RIC8B: variants seen among roughly 807,000 people sequenced by gnomAD.
The protein encoded by RIC8B is chaperone Ric-8B.
Under a neutral mutation model 57.5 loss-of-function variants are expected in RIC8B, and 16 were observed. The observed-to-expected ratio is 0.28, with a 90% CI of 0.19 to 0.42. RIC8B has a LOEUF of 0.42. RIC8B is among the 10% of genes least tolerant of loss of function. The pLI, the probability that RIC8B is intolerant of heterozygous loss-of-function variation, is 1.00. For synonymous variants in RIC8B, 216 were observed against 250.8 expected, an observed-to-expected ratio of 0.86 and a Z score of 1.31; for missense variants, 481 against 677.0, an observed-to-expected ratio of 0.71 and a Z score of 3.21.
chr12:106,840,989 A>G (rs1048999746), intron 4 of RIC8B, among the ~76,000 whole-genome samples: 20 of 152,184 alleles, frequency 1.3e-4, no homozygotes, highest in Non-Finnish European at 2.6e-4. Context: ...CAATGAATCT[A>G]TGGTATTATT....
intron 2 of RIC8B, among the ~76,000 whole-genome samples, chr12:106,811,247 G>A (rs1428605299): frequency 6.6e-6 from 1 of 152,230 alleles, no homozygotes; most frequent in Non-Finnish European, 1.5e-5. Flanking sequence ...CTGCTTTTCT[G>A]TGTTCGTCTG....
At chr12:106,776,007 G>T (rs1197421457) in intron 1 of RIC8B, among the ~76,000 whole-genome samples, 1 of 152,170 alleles carries the variant, frequency 6.6e-6, no homozygotes, top group Admixed American at 6.5e-5. Context: ...ACTGGTGGCT[G>T]AATTCCCGTT....
chr12:106,795,251 G>A (rs2044425847), intron 2 of RIC8B, among the ~76,000 whole-genome samples: 1 of 152,174 alleles, frequency 6.6e-6, no homozygotes, highest in East Asian at 1.9e-4. Context: ...GAAAAAGGGG[G>A]AAGGGAATAG....
At chr12:106,861,668 C>T (rs958803425) in intron 8 of RIC8B, among the ~76,000 whole-genome samples, 9 of 152,026 alleles carry the variant, frequency 5.9e-5, no homozygotes, top group Middle Eastern at 6.8e-3. Context: ...CTTTCTTTCC[C>T]GAATTATAGA....
In RIC8B at chr12:106,867,448, G is replaced by A. The variant is rs1262074205; in HGVS notation, c.1452-3375G>A. Among the ~76,000 whole-genome samples the A allele has an allele frequency of 6.6e-6, 1 of 152,144 alleles. No homozygotes were observed. Among genetic ancestry groups the A allele is most frequent in the African/African-American group, 2.4e-5 (1 of 41,430 alleles). On this transcript the variant is annotated intron_variant, in intron 8 of 9. Coordinates refer to ENST00000392837, the MANE Select transcript of RIC8B (RefSeq NM_001330145.2). This position sits in a 1 kb window ranked among gnomAD's most constrained non-coding sequence, Gnocchi z 4.3. ...CCCAATAAAATGTCCACCACAATTA[G>A]TGTTCTTAAAGCATCTTAAGACTCC... is the stretch of plus-strand genomic sequence containing the variant.
intron 2 of RIC8B, among the ~76,000 whole-genome samples, chr12:106,806,497 T>A (rs578181789): frequency 1.3e-5 from 2 of 152,288 alleles, no homozygotes; most frequent in East Asian, 3.9e-4. Flanking sequence ...CTTTTCTCTA[T>A]ATATTTTTCT....
intron 3 of RIC8B, among the ~76,000 whole-genome samples, chr12:106,818,824 T>G (rs533921012): frequency 6.6e-6 from 1 of 152,240 alleles, no homozygotes; most frequent in South Asian, 2.1e-4. Flanking sequence ...TGGAGTGCAA[T>G]GGCGCAATCT....
chr12:106,787,921 C>A (rs188644467), intron 2 of RIC8B, among the ~76,000 whole-genome samples: 107 of 152,278 alleles, frequency 7.0e-4, no homozygotes, highest in African/African-American at 2.5e-3. Context: ...TTCCAACAGT[C>A]CCCCAAAGTC....
chr12:106,804,208 T>C (rs1299277137), intron 2 of RIC8B, among the ~76,000 whole-genome samples: 1 of 146,410 alleles, frequency 6.8e-6, no homozygotes, highest in Non-Finnish European at 1.5e-5. Flanking sequence ...TTTTTTTTCC[T>C]TCCTTTCTTT....
At chr12:106,868,378 C>T (rs1950228227) in intron 8 of RIC8B, 1 of 455,946 alleles carries the variant, frequency 2.2e-6, no homozygotes, top group African/African-American at 2.0e-5. Flanking sequence ...CATCTACCTT[C>T]CCTTATACTT....
chr12:106,842,761 A>G lies in RIC8B; in HGVS notation c.1009A>G (p.Met337Val), dbSNP rs776619033. 2 of 1,613,704 alleles carry G rather than the reference A, an allele frequency of 1.2e-6. No individual in the cohort carries two copies. Among genetic ancestry groups the G allele is most frequent in the African/African-American group, 1.3e-5 (1 of 74,928 alleles). The change falls in exon 5 of 10, where the codon ATG becomes GTG. Residue 337 changes from methionine (M) to valine (V), a missense_variant. Physicochemically the swap from Met to Val is conservative, Grantham distance 21. Coordinates refer to ENST00000392837, the MANE Select transcript of RIC8B (RefSeq NM_001330145.2). ...LKNNTMVYNG[M>V]NMEAIHVLLN... ...AAACAATACCATGGTATACAATGGT[A>G]TGAATATGGAGGCCATTCATGTTTT...
chr12:106,791,011 C>A (rs935388250), intron 2 of RIC8B, among the ~76,000 whole-genome samples: 1 of 152,144 alleles, frequency 6.6e-6, no homozygotes, highest in Non-Finnish European at 1.5e-5. Flanking sequence ...ATAATAAATG[C>A]TTGTTAACTG....
chr12:106,805,243 A>G (rs2044953623), intron 2 of RIC8B, among the ~76,000 whole-genome samples: 1 of 152,212 alleles, frequency 6.6e-6, no homozygotes, highest in South Asian at 2.1e-4. Flanking sequence ...ACCAACAACC[A>G]AGTTATACAA....
In RIC8B at chr12:106,879,094, A is replaced by G; in HGVS notation, c.1572-6810A>G. On this transcript the variant is annotated intron_variant, in intron 9 of 9. Coordinates refer to ENST00000392837, the MANE Select transcript of RIC8B (RefSeq NM_001330145.2). The surrounding 1 kb of genome is among the most constrained non-coding windows in gnomAD (Gnocchi z 4.9). ...ATGATTTTTGAGTCGTTATCAAGCT[A>G]AGTGGCAAGCGGGAAGCTGAAACTC... 1 of 985,814 alleles carries G rather than the reference A, an allele frequency of 1.0e-6. No individual in the cohort carries two copies. Among genetic ancestry groups the G allele is most frequent in the Non-Finnish European group, 1.2e-6 (1 of 829,908 alleles). 61.1% of individuals were successfully genotyped at this position (985,814 alleles called of 1,614,324 possible).
chr12:106,853,516 T>C (rs1949576129), intron 7 of RIC8B, among the ~76,000 whole-genome samples: 1 of 131,954 alleles, frequency 7.6e-6, no homozygotes, highest in African/African-American at 2.9e-5. Context: ...TCGCCCAGGC[T>C]GGAGTGCAGT....
At chr12:106,851,830 T>A (rs1949488581) in intron 7 of RIC8B, among the ~76,000 whole-genome samples, 1 of 152,210 alleles carries the variant, frequency 6.6e-6, no homozygotes, top group Non-Finnish European at 1.5e-5. Context: ...CATTTAAACT[T>A]TGCCTTCTGT....
At position 106,889,033 on chromosome 12, in the gene RIC8B, C is replaced by T. The variant is rs1951300959; in HGVS notation, c.*3018C>T. On this transcript the variant is annotated 3_prime_UTR_variant, in exon 10 of 10. Transcript: ENST00000392837. ...CTCGCCACCTCCCAGGACTAGGTGTCACCTGTATTGACCTCTTCCCCTCTG... is the reference window on the plus strand; with the variant it reads ...CTCGCCACCTCCCAGGACTAGGTGTTACCTGTATTGACCTCTTCCCCTCTG... The T allele has an allele frequency of 6.6e-6, 1 of 152,086 alleles. No individual in the cohort carries two copies. Among genetic ancestry groups the T allele is most frequent in the Non-Finnish European group, 1.5e-5 (1 of 68,022 alleles). The allele number at this position is 152,086 out of a possible 1,614,324, so 9.4% of individuals were successfully genotyped here.
chr12:106,792,235 G>A (rs934371383), intron 2 of RIC8B, among the ~76,000 whole-genome samples: 2 of 152,044 alleles, frequency 1.3e-5, no homozygotes, highest in Non-Finnish European at 1.5e-5. Flanking sequence ...AATGCTTCAC[G>A]GTAGGTCAAA....
chr12:106,829,197 C>A (rs1335145793), intron 4 of RIC8B, among the ~76,000 whole-genome samples: 11 of 152,152 alleles, frequency 7.2e-5, no homozygotes. Context: ...GTATGATCCA[C>A]CTTTTTTGCT....
Sources: allele counts gnomAD v4.1 joint callset (sites outside exome capture counted in the v4.1 genomes callset), GRCh38; gene constraint gnomAD v4.1.1; non-coding constraint Gnocchi (gnomAD v3.1); transcripts MANE v1.5; gene names NCBI Gene and HGNC (gene_info 2026-07-23, HGNC 2026-07-21).